The following ACCS variants were observed in gnomAD, a reference collection of about 807,000 sequenced individuals.
ACCS encodes 1-aminocyclopropane-1-carboxylate synthase homolog (inactive).
A neutral mutation model predicts 59.8 loss-of-function variants in ACCS; 42 were observed. That is an observed-to-expected ratio of 0.70 (90% CI 0.55 to 0.91). ACCS has a LOEUF of 0.91. Ranked by LOEUF, ACCS falls within the 40% of genes least tolerant of loss-of-function variation. The probability of loss-of-function intolerance (pLI) is 0.00; values close to 1 mark genes in which losing one functional copy is unlikely to be tolerated. For synonymous variants in ACCS, 230 were observed against 240.3 expected, an observed-to-expected ratio of 0.96 and a Z score of 0.40; for missense variants, 602 against 630.4, an observed-to-expected ratio of 0.95 and a Z score of 0.48.
rs1442652112 is a variant in ACCS, at chr11:44,082,115, G to A, written c.1111+795G>A. ...ACCCCACTCACTATAGTAGCTAAAAGTTTTAAAAATAGTGACAACATCAAG... is the reference window on the plus strand; with the variant it reads ...ACCCCACTCACTATAGTAGCTAAAAATTTTAAAAATAGTGACAACATCAAG... On this transcript the variant is annotated intron_variant, in intron 12 of 14. Transcript: ENST00000263776. The A allele has an allele frequency of 2.0e-5, 3 of 152,172 alleles. No homozygotes were observed. In the East Asian group the frequency reaches 5.8e-4, roughly 29 times the overall value. 9.4% of individuals were successfully genotyped at this position (152,172 alleles called of 1,614,324 possible). A position where few individuals can be genotyped will look rare whatever the true frequency, so the allele number is the denominator to read the frequency against.
Position 44,078,706 on chromosome 11 carries a change from T to A in ACCS, c.755T>A (p.Ile252Asn). 1 of 1,614,008 alleles carries A rather than the reference T, an allele frequency of 6.2e-7. No individual in the cohort carries two copies. The change falls in exon 9 of 15, where the codon ATC becomes AAC. Residue 252 changes from isoleucine to asparagine, a missense_variant. By Grantham distance (149) the Ile-to-Asn change is moderately radical (BLOSUM62 -3). Transcript: ENST00000263776. ...CAGGGTGTGAAGGTCAAAGGCCTCA[T>A]CCTCATCAGCCCCCAGAACCCTCTG... ...HSEGVKVKGL[I>N]LISPQNPLGD...
intron 4 of ACCS, among the ~76,000 whole-genome samples, chr11:44,073,724 G>A (rs1409371695): frequency 6.6e-6 from 1 of 152,212 alleles, no homozygotes; most frequent in African/African-American, 2.4e-5. Context: ...GGCAGGCTGA[G>A]GGCCTAGTCC....
intron 8 of ACCS, 52 bp downstream of exon 8, chr11:44,077,974 G>T (rs548871599): frequency 2.1e-5 from 33 of 1,584,726 alleles, no homozygotes; most frequent in Non-Finnish European, 2.6e-5. Flanking sequence ...TCTGAGCAGG[G>T]TCTGGACCCC....
chr11:44,072,020 A>G (rs775079447), intron 3 of ACCS, among the ~76,000 whole-genome samples: 9 of 152,210 alleles, frequency 5.9e-5, no homozygotes, highest in Non-Finnish European at 1.0e-4. Context: ...ACAATGCCTA[A>G]TAAATGTGTC....
In ACCS at chr11:44,071,813, T is replaced by G. The variant is rs11037853; in HGVS notation, c.348+498T>G. On this transcript the variant is annotated intron_variant, in intron 3 of 14. Transcript: ENST00000263776. ...ACAGAACTGACCTCAAAAACATAGA[T>G]AGTAAAAGGTACTAGCAAATCAGGA... 889 of 152,694 alleles carry G rather than the reference T, an allele frequency of 5.8e-3. 8 individuals are homozygous for G. Among genetic ancestry groups the G allele is most frequent in the East Asian group, 0.035 (181 of 5,196 alleles). The allele number at this position is 152,694 out of a possible 1,614,324, so 9.5% of individuals were successfully genotyped here. A position where few individuals can be genotyped will look rare whatever the true frequency, so the allele number is the denominator to read the frequency against.
rs1346257116 is a variant in ACCS at position 44,077,878 on chromosome 11, A to G, written c.688A>G (p.Thr230Ala). ...GCTAGACACACGCCCCTTCCAGCTC[A>G]CAGTGGAGAAGCTGGAGATGGCCCT... ...TGLDTRPFQLTVEKLEMALRE... is the reference protein window; with the variant it reads ...TGLDTRPFQLAVEKLEMALRE... The change falls in exon 8 of 15, where the codon ACA (threonine) becomes GCA (alanine). Residue 230 changes from threonine to alanine, a missense_variant. Thr to Ala is a moderately conservative substitution (Grantham distance 58). Transcript: ENST00000263776. 1.2e-6 allele frequency: 2 copies of G among 1,614,006 alleles called. No homozygotes were observed. Among genetic ancestry groups the G allele is most frequent in the East Asian group, 2.2e-5 (1 of 44,880 alleles).
chr11:44,075,505 C>A (rs753964446), intron 5 of ACCS, 21 bp from the exon 6 acceptor site: 3 of 1,613,206 alleles, frequency 1.9e-6, no homozygotes, highest in Non-Finnish European at 2.5e-6. Context: ...CATCTTCATC[C>A]CTTGGATATG....
intron 3 of ACCS, chr11:44,073,230 T>C (rs1953146103): frequency 3.4e-6 from 2 of 587,438 alleles, no homozygotes; most frequent in Non-Finnish European, 6.2e-6. Flanking sequence ...TTGTCTCAGC[T>C]CTGCCACTTG....
chr11:44,083,127 G>A, intron 12 of ACCS, 42 bp from the exon 13 acceptor site: 1 of 1,593,318 alleles, frequency 6.3e-7, no homozygotes, highest in East Asian at 2.3e-5. Context: ...CAAGTAGAGG[G>A]TTGATGGGAT....
chr11:44,083,251 A>T lies in ACCS; in HGVS notation c.1194A>T (p.Ala398=). 3 of 1,614,128 alleles carry T rather than the reference A, an allele frequency of 1.9e-6. 1 individual carries two copies. The South Asian group carries it at 3.3e-5, about 18-fold the overall frequency. Reference sequence around the variant, plus strand: ...CCTATGTCTCAGAAGAGCTTAGGGCATTGGGGATCCCCTTCTTGAGTCGTG... The same window carrying T: ...CCTATGTCTCAGAAGAGCTTAGGGCTTTGGGGATCCCCTTCTTGAGTCGTG... The part of the protein sequence containing the change: ...AHTYVSEELR[A]LGIPFLSRGA... Residue 398 remains alanine, a synonymous_variant, in exon 13 of 15, where the codon GCA becomes GCT. Transcript: ENST00000263776.
At chr11:44,069,011 A>G (rs77839120) in intron 2 of ACCS, among the ~76,000 whole-genome samples, 6,057 of 152,208 alleles carry the variant, frequency 0.04, 424 homozygotes, top group African/African-American at 0.14. Context: ...TGGGCTGGGG[A>G]TGTTGCTATT....
At chr11:44,076,438 A>G (rs1472327588) in intron 6 of ACCS, among the ~76,000 whole-genome samples, 3 of 152,246 alleles carry the variant, frequency 2.0e-5, no homozygotes, top group Non-Finnish European at 4.4e-5. Context: ...ACTAAGACAC[A>G]GGAGGTTAAC....
At chr11:44,079,131 T>C (rs364149) in intron 9 of ACCS, 1 of 370,212 alleles carries the variant, frequency 2.7e-6, no homozygotes, top group Non-Finnish European at 5.0e-6. Context: ...ATACAATCCT[T>C]ACAACAATCC....
chr11:44,074,559 C>A, intron 4 of ACCS, 53 bp from the exon 5 acceptor site: 2 of 1,387,460 alleles, frequency 1.4e-6, no homozygotes, highest in Non-Finnish European at 1.0e-6. Flanking sequence ...CTTCAGGATG[C>A]ACCGTGGGTT....
At chr11:44,069,669 T>C (rs1164997434) in intron 2 of ACCS, among the ~76,000 whole-genome samples, 2 of 152,210 alleles carry the variant, frequency 1.3e-5, no homozygotes, top group Admixed American at 1.3e-4. Context: ...TTATGCTTAT[T>C]GGCAGGCTTC....
intron 2 of ACCS, among the ~76,000 whole-genome samples, chr11:44,070,915 C>A (rs183715783): frequency 6.6e-6 from 1 of 152,162 alleles, no homozygotes; most frequent in Non-Finnish European, 1.5e-5. Context: ...ACGGGAGATA[C>A]GGTGTGTACC....
At chr11:44,082,742 C>T (rs771977501) in intron 12 of ACCS, among the ~76,000 whole-genome samples, 12 of 152,204 alleles carry the variant, frequency 7.9e-5, no homozygotes, top group East Asian at 1.9e-4. Context: ...TGTATGACAA[C>T]GACAAAAAGT....
At chr11:44,079,125 A>T (rs1272441929) in intron 9 of ACCS, 3 of 380,464 alleles carry the variant, frequency 7.9e-6, no homozygotes, top group Non-Finnish European at 1.5e-5. Flanking sequence ...ACCCTCATAC[A>T]ATCCTTACAA....
intron 7 of ACCS, 104 bp downstream of exon 7, chr11:44,077,480 A>G: frequency 5.1e-6 from 8 of 1,558,880 alleles, no homozygotes; most frequent in Non-Finnish European, 5.2e-6. Context: ...TGGGGTTGTG[A>G]TGAGTAGGGA....
Sources: gnomAD v4.1 joint callset for allele counts (sites outside exome capture counted in the v4.1 genomes callset) on GRCh38, gnomAD v4.1.1 for gene constraint, MANE v1.5 for transcripts, NCBI Gene and HGNC (gene_info 2026-07-23, HGNC 2026-07-21) for gene names.